The following SPTA1 variants were observed in gnomAD, a reference collection of about 807,000 sequenced individuals.
The protein encoded by SPTA1 is spectrin alpha, erythrocytic 1, also known as spectrin alpha chain, erythrocytic 1.
In SPTA1, 177 loss-of-function variants were observed where a neutral mutation model predicts 324.7. The ratio of observed to expected loss-of-function variants is 0.55; its 90% CI spans 0.48 to 0.62. The LOEUF (loss-of-function observed/expected upper bound fraction) is 0.62, where lower values mean the gene tolerates loss of function less well. Among genes scored for constraint, SPTA1 ranks in the 20% least tolerant of loss-of-function variants. SPTA1 has a pLI of 0.00. For missense variants in SPTA1, 3,162 were observed against 2,883.6 expected (o/e 1.10, Z -2.21); for synonymous variants, 1,195 against 1,041.3 (o/e 1.15, Z -2.84).
chr1:158,645,293 G>T lies in SPTA1; in HGVS notation c.4089C>A (p.Ser1363Arg). Residue 1363 changes from serine (S) to arginine (R), a missense_variant, in exon 29 of 52, where the codon AGC becomes AGA. Coordinates refer to ENST00000643759, the MANE Select transcript of SPTA1 (RefSeq NM_003126.4). ...CTTGAAGCTTTTTTTCAATTTCAGG[G>T]CTAGCATGGTGCCCACTGTCGATAA... ...AELIDSGHHASPEIEKKLQAV... is the reference protein window; with the variant it reads ...AELIDSGHHARPEIEKKLQAV... The T allele has an allele frequency of 6.2e-7, 1 of 1,613,954 alleles. No individual in the cohort carries two copies. The highest frequency in any genetic ancestry group is 8.5e-7 in the Non-Finnish European group (1 of 1,179,950).
intron 38 of SPTA1, 57 bp from the exon 39 acceptor site, chr1:158,634,732 G>A (rs891338496): frequency 6.2e-7 from 1 of 1,604,134 alleles, no homozygotes; most frequent in Non-Finnish European, 8.5e-7. Context: ...AGCAGTGGGA[G>A]TACAGTGGGG....
rs549827243 is a variant in SPTA1, at chr1:158,672,046, C to A, written c.1488+13G>T. 6.2e-7 allele frequency: 1 copy of A among 1,613,686 alleles called. No individual in the cohort carries two copies. The highest frequency in any genetic ancestry group is 1.1e-5 in the South Asian group (1 of 91,070). ...AAATTACTTCTAGAGATGGTATGGACCCCTCCCGTTACCTCTTGTCTACTC... is the reference window on the plus strand; with the variant it reads ...AAATTACTTCTAGAGATGGTATGGAACCCTCCCGTTACCTCTTGTCTACTC... On this transcript the variant is annotated intron_variant, in intron 11 of 51. Transcript: ENST00000643759.
At chr1:158,667,445 C>T (rs80246571) in intron 15 of SPTA1, among the ~76,000 whole-genome samples, 2,741 of 152,214 alleles carry the variant, frequency 0.018, 53 homozygotes, top group African/African-American at 0.054. Flanking sequence ...AGGAAAATCA[C>T]GTGTGACATC....
intron 51 of SPTA1, 97 bp downstream of exon 51, chr1:158,612,720 A>T: frequency 7.2e-7 from 1 of 1,393,574 alleles, no homozygotes; most frequent in Non-Finnish European, 1.0e-6. Context: ...AAAAAAAAAC[A>T]AGTGGGTGGG....
At chr1:158,624,354 C>A (rs1650128443) in intron 42 of SPTA1, among the ~76,000 whole-genome samples, 1 of 152,088 alleles carries the variant, frequency 6.6e-6, no homozygotes. Flanking sequence ...GGAGGCTGTA[C>A]CCTGCAAAGC....
chr1:158,643,296 A>G, intron 31 of SPTA1, 26 bp downstream of exon 31: 1 of 1,612,462 alleles, frequency 6.2e-7, no homozygotes, highest in Non-Finnish European at 8.5e-7. Context: ...TTCCTTTGGC[A>G]CATAAAACAA....
chr1:158,659,396 T>A (rs915367861), intron 18 of SPTA1, among the ~76,000 whole-genome samples: 1 of 151,960 alleles, frequency 6.6e-6, no homozygotes, highest in Non-Finnish European at 1.5e-5. Flanking sequence ...ATGCAAAATA[T>A]CTTTTGCTTA....
intron 39 of SPTA1, among the ~76,000 whole-genome samples, chr1:158,628,469 C>T (rs992789683): frequency 6.6e-6 from 1 of 152,088 alleles, no homozygotes; most frequent in African/African-American, 2.4e-5. Context: ...TTCAAAATCC[C>T]TATTGAAAAT....
At chr1:158,635,866 A>T (rs760446888) in intron 38 of SPTA1, 47 bp downstream of exon 38, 3 of 1,613,948 alleles carry the variant, frequency 1.9e-6, no homozygotes, top group Non-Finnish European at 2.5e-6. Context: ...CACCTGCCCA[A>T]TATCCAAAAT....
At chr1:158,627,870 T>C (rs1398376774) in intron 39 of SPTA1, 147 bp from the exon 40 acceptor site, 1 of 744,254 alleles carries the variant, frequency 1.3e-6, no homozygotes, top group Non-Finnish European at 2.3e-6. Flanking sequence ...CTGGAATAAC[T>C]ATACTCAATT....
Position 158,615,380 on chromosome 1 carries a change from C to G in SPTA1, c.6624G>C (p.Ala2208=). 1 of 1,614,052 alleles carries G rather than the reference C, an allele frequency of 6.2e-7. No individual in the cohort carries two copies. The highest frequency in any genetic ancestry group is 8.5e-7 in the Non-Finnish European group (1 of 1,180,000). The change falls in exon 48 of 52, where the codon GCG becomes GCC. Residue 2208 remains alanine, a synonymous_variant. Transcript: ENST00000643759. ...ANKRKQKEIQ[A]MKRQLTKIVD... is the part of the protein sequence containing the mutation. ...CAATCTTGGTTAGTTGACGCTTCAT[C>G]GCCTGGATCTCCTTCTGTTTTCTCT...
In SPTA1 at chr1:158,656,676, A is replaced by T. The variant is rs1652851271; in HGVS notation, c.2806-20T>A. ...AAGAGCCTGCATTTATTGATGGAAG[A>T]TCATCAGAATGAATATAGGAGGAAC... On this transcript the variant is annotated intron_variant, in intron 19 of 51. Transcript: ENST00000643759. 5 of 1,592,078 alleles carry T rather than the reference A, an allele frequency of 3.1e-6. No individual in the cohort carries two copies. The African/African-American group carries it at 5.4e-5, about 17-fold the overall frequency.
intron 16 of SPTA1, among the ~76,000 whole-genome samples, chr1:158,664,936 C>T (rs1018695587): frequency 4.6e-5 from 7 of 152,188 alleles, no homozygotes; most frequent in African/African-American, 1.7e-4. Flanking sequence ...AAAGTTCTTT[C>T]ACCTGTTTTG....
Position 158,645,389 on chromosome 1 carries a change from T to A in SPTA1, c.3997-4A>T. 1.2e-6 allele frequency: 2 copies of A among 1,613,844 alleles called. No homozygotes were observed. Among genetic ancestry groups the A allele is most frequent in the Non-Finnish European group, 8.5e-7 (1 of 1,179,900 alleles). On this transcript the variant is annotated splice_region_variant and splice_polypyrimidine_tract_variant and intron_variant, in intron 28 of 51. Coordinates refer to ENST00000643759, the MANE Select transcript of SPTA1 (RefSeq NM_003126.4). ...CCTCCATGTCAGCACGGTGCTCCTGTGGGAAAAAGGGGGAAGAAATCAGTG... is the reference window on the plus strand; with the variant it reads ...CCTCCATGTCAGCACGGTGCTCCTGAGGGAAAAAGGGGGAAGAAATCAGTG...
chr1:158,633,549 T>C (rs1379473917), intron 39 of SPTA1, among the ~76,000 whole-genome samples: 1 of 150,548 alleles, frequency 6.6e-6, no homozygotes, highest in African/African-American at 2.4e-5. Context: ...TAGTCCCAGC[T>C]ACTCGGGAGG....
At position 158,615,387 on chromosome 1, in the gene SPTA1, A is replaced by G; in HGVS notation, c.6617T>C (p.Ile2206Thr). The change falls in exon 48 of 52, where the codon ATC becomes ACC. Residue 2206 changes from isoleucine to threonine, a missense_variant. By Grantham distance (89) the Ile-to-Thr change is moderately conservative. Coordinates refer to ENST00000643759, the MANE Select transcript of SPTA1 (RefSeq NM_003126.4). ...GGTTAGTTGACGCTTCATCGCCTGG[A>G]TCTCCTTCTGTTTTCTCTGGAAAAA... ...LEANKRKQKE[I>T]QAMKRQLTKI... 1.2e-6 allele frequency: 2 copies of G among 1,613,980 alleles called. No homozygotes were observed. Among genetic ancestry groups the G allele is most frequent in the Non-Finnish European group, 1.7e-6 (2 of 1,179,996 alleles).
intron 14 of SPTA1, 84 bp downstream of exon 14, chr1:158,669,324 C>T: frequency 6.3e-7 from 1 of 1,589,252 alleles, no homozygotes; most frequent in Non-Finnish European, 8.6e-7. Context: ...CAGCTGAACG[C>T]TAAAGTTCAT....
In SPTA1 at chr1:158,615,163, A is replaced by G. The variant is rs138262982; in HGVS notation, c.6788+53T>C. On this transcript the variant is annotated intron_variant, in intron 48 of 51. Coordinates refer to ENST00000643759, the MANE Select transcript of SPTA1 (RefSeq NM_003126.4). ...AACTCTCGCCCTTAGTTAAGGTCCT[A>G]ACACCTAACACCACCTGCATCCCTC... 6.4e-5 allele frequency: 103 copies of G among 1,606,726 alleles called. No individual in the cohort carries two copies. In the South Asian group the frequency reaches 9.7e-4, roughly 15 times the overall value.
Position 158,661,336 on chromosome 1 carries a change from T to C in SPTA1, c.2538A>G (p.Glu846=). 1 of 1,614,000 alleles carries C rather than the reference T, an allele frequency of 6.2e-7. No homozygotes were observed. Among genetic ancestry groups the C allele is most frequent in the South Asian group, 1.1e-5 (1 of 91,082 alleles). ...RVILENIASH[E]PRIQEITERG... is the part of the protein sequence containing the mutation. ...TTTCTGTTATCTCTTGAATGCGTGG[T>C]TCATGGCTGGCAATGTTCTCCAGGA... Residue 846 remains glutamate, a synonymous_variant, in exon 18 of 52, where the codon GAA becomes GAG. Transcript: ENST00000643759.
Sources: gnomAD v4.1 joint callset for allele counts (sites outside exome capture counted in the v4.1 genomes callset) on GRCh38, gnomAD v4.1.1 for gene constraint, MANE v1.5 for transcripts, NCBI Gene and HGNC (gene_info 2026-07-23, HGNC 2026-07-21) for gene names.